Variants in RAI14 observed in about 807,000 individuals in gnomAD.
The protein encoded by RAI14 is ankycorbin.
RAI14 carries 45 observed loss-of-function variants against 115.4 expected under a neutral mutation model. That is an observed-to-expected ratio of 0.39 (90% CI 0.31 to 0.50). The LOEUF (loss-of-function observed/expected upper bound fraction) is 0.50, where lower values mean the gene tolerates loss of function less well. Among genes scored for constraint, RAI14 ranks in the 20% least tolerant of loss-of-function variants. The probability of loss-of-function intolerance (pLI) is 0.85; values close to 1 mark genes in which losing one functional copy is unlikely to be tolerated. For missense variants in RAI14, 939 were observed against 1,131.2 expected, an observed-to-expected ratio of 0.83 and a Z score of 2.44; for synonymous variants, 371 against 415.4, an observed-to-expected ratio of 0.89 and a Z score of 1.30.
intron 1 of RAI14, among the ~76,000 whole-genome samples, chr5:34,678,298 G>A (rs566387370): frequency 6.6e-6 from 1 of 152,210 alleles, no homozygotes; most frequent in South Asian, 2.1e-4. Context: ...CAGCATGATA[G>A]TGCCATGTTC....
rs79295128 is a variant in RAI14 at position 34,762,199 on chromosome 5, G to A, written c.167+4601G>A. Among the ~76,000 whole-genome samples the A allele has an allele frequency of 6.0e-4, 91 of 152,246 alleles. No individual in the cohort carries two copies. In the East Asian group the frequency reaches 0.011, roughly 18 times the overall value. On this transcript the variant is annotated intron_variant, in intron 3 of 17. Transcript: ENST00000265109. ...TATCTTATGGGTAAATTGCTTAGGG[G>A]TGAATTAACTTGGATTCAGAGGGGA...
chr5:34,683,304 C>T (rs1744518702), intron 1 of RAI14, among the ~76,000 whole-genome samples: 1 of 152,132 alleles, frequency 6.6e-6, no homozygotes, highest in African/African-American at 2.4e-5. Flanking sequence ...TCTCACACAC[C>T]CAAAGCCACG....
chr5:34,824,814 C>T (rs1351784423), intron 15 of RAI14, among the ~76,000 whole-genome samples: 1 of 151,950 alleles, frequency 6.6e-6, no homozygotes, highest in Non-Finnish European at 1.5e-5. Context: ...CGTGGTGGCA[C>T]ACGCCTGTAA....
chr5:34,799,773 C>T (rs1465097406), intron 4 of RAI14, among the ~76,000 whole-genome samples: 4 of 149,406 alleles, frequency 2.7e-5, no homozygotes, highest in South Asian at 2.1e-4. Context: ...CTGCAAGCTC[C>T]GCCTCCCGGG....
chr5:34,705,428 A>G (rs1004503702), intron 2 of RAI14, among the ~76,000 whole-genome samples: 1 of 152,082 alleles, frequency 6.6e-6, no homozygotes, highest in Non-Finnish European at 1.5e-5. Flanking sequence ...GCTTATTTGT[A>G]CTTTATAAAA....
intron 2 of RAI14, among the ~76,000 whole-genome samples, chr5:34,740,558 T>C (rs1162894981): frequency 1.3e-5 from 2 of 152,220 alleles, no homozygotes; most frequent in Non-Finnish European, 1.5e-5. Flanking sequence ...GTTTGGCTCC[T>C]CTGTTGCTTT....
chr5:34,666,119 C>T (rs1462051699), intron 1 of RAI14, among the ~76,000 whole-genome samples: 1 of 152,172 alleles, frequency 6.6e-6, no homozygotes, highest in African/African-American at 2.4e-5. Flanking sequence ...CTTTTGGTGG[C>T]AGCAGTTTCC....
chr5:34,788,649 C>T (rs1183632755), intron 3 of RAI14, among the ~76,000 whole-genome samples: 1 of 152,080 alleles, frequency 6.6e-6, no homozygotes, highest in African/African-American at 2.4e-5. Context: ...GAGTTAATTC[C>T]AATGCCTTAG....
rs545490035 is a variant in RAI14, at chr5:34,670,262, C to T, written c.-49+13787C>T. Among the ~76,000 whole-genome samples, 24 of 152,310 alleles carry T rather than the reference C, an allele frequency of 1.6e-4. No individual in the cohort carries two copies. The East Asian group carries it at 4.6e-3, about 29-fold the overall frequency. On this transcript the variant is annotated intron_variant, in intron 1 of 17. Transcript: ENST00000265109. ...TTTAAAAATTACTGGTGTTGTCTCA[C>T]GTGCAGCCCAGTGTCACGTGTTGGG...
intron 3 of RAI14, among the ~76,000 whole-genome samples, chr5:34,788,259 TG>T (rs2150183806): frequency 6.6e-6 from 1 of 152,178 alleles, no homozygotes; most frequent in East Asian, 1.9e-4. Flanking sequence ...TTCATAGTTG[TG>T]GGGACCTGTC....
intron 12 of RAI14, among the ~76,000 whole-genome samples, chr5:34,815,076 A>G (rs1329840485): frequency 6.6e-6 from 1 of 152,216 alleles, no homozygotes; most frequent in African/African-American, 2.4e-5. Flanking sequence ...GCGAAACCCT[A>G]TCTCTACTAA....
At chr5:34,714,073 A>C (rs908147730) in intron 2 of RAI14, among the ~76,000 whole-genome samples, 1 of 152,218 alleles carries the variant, frequency 6.6e-6, no homozygotes, top group Admixed American at 6.5e-5. Flanking sequence ...AAGTGATGGG[A>C]TTTCAGGCGT....
chr5:34,667,057 G>C (rs1743275091), intron 1 of RAI14, among the ~76,000 whole-genome samples: 1 of 152,152 alleles, frequency 6.6e-6, no homozygotes, highest in East Asian at 1.9e-4. Context: ...CTTGGAAAGG[G>C]ACAGTTAATG....
At chr5:34,721,857 C>T (rs553850592) in intron 2 of RAI14, among the ~76,000 whole-genome samples, 5 of 152,168 alleles carry the variant, frequency 3.3e-5, no homozygotes, top group South Asian at 2.1e-4. Context: ...CTTACAGGTG[C>T]GTGCCACCAC....
chr5:34,715,510 C>A (rs879792265), intron 2 of RAI14, among the ~76,000 whole-genome samples: 1 of 152,168 alleles, frequency 6.6e-6, no homozygotes, highest in East Asian at 1.9e-4. Context: ...TTCTCCTGAA[C>A]CACTCTGTAT....
chr5:34,697,720 A>G (rs896961524), intron 2 of RAI14, among the ~76,000 whole-genome samples: 4 of 152,224 alleles, frequency 2.6e-5, no homozygotes, highest in African/African-American at 9.6e-5. Context: ...TTATAAGCTT[A>G]GCTTTAAGTT....
intron 5 of RAI14, 126 bp from the exon 6 acceptor site, chr5:34,807,674 G>T (rs1287636999): frequency 5.3e-6 from 4 of 755,216 alleles, no homozygotes; most frequent in Non-Finnish European, 9.1e-6. Context: ...GAACACAGCA[G>T]CTGGGGCTTA....
intron 9 of RAI14, 85 bp from the exon 10 acceptor site, chr5:34,812,095 G>C (rs1755668967): frequency 2.3e-6 from 3 of 1,310,060 alleles, no homozygotes; most frequent in Non-Finnish European, 3.2e-6. Flanking sequence ...ATTGTATATG[G>C]TGTATGTGTG....
chr5:34,746,365 A>C (rs562541310), intron 2 of RAI14, among the ~76,000 whole-genome samples: 2 of 147,824 alleles, frequency 1.4e-5, no homozygotes, highest in African/African-American at 5.0e-5. Flanking sequence ...TCAGCCTCCC[A>C]AAGTGCTGGG....
Sources: gnomAD v4.1 joint callset for allele counts (sites outside exome capture counted in the v4.1 genomes callset) on GRCh38, gnomAD v4.1.1 for gene constraint, MANE v1.5 for transcripts, NCBI Gene and HGNC (gene_info 2026-07-23, HGNC 2026-07-21) for gene names.